The following INSL6 variants were observed in gnomAD, a reference collection of about 807,000 sequenced individuals.
INSL6 encodes insulin-like peptide INSL6.
A neutral mutation model predicts 9.4 loss-of-function variants in INSL6; 16 were observed. The ratio of observed to expected loss-of-function variants is 1.70; its 90% CI spans 1.15 to 2.59. The LOEUF is 2.59. Among genes scored for constraint, INSL6 ranks in the 30% most tolerant of loss-of-function variants. INSL6 has a pLI of 0.00. For missense variants in INSL6, 391 were observed against 257.3 expected, an observed-to-expected ratio of 1.52 and a Z score of -3.56; for synonymous variants, 154 against 96.9, an observed-to-expected ratio of 1.59 and a Z score of -3.46.
chr9:5,097,101 C>G, the INSL6 span: 3 of 152,088 alleles, frequency 2.0e-5, no homozygotes, highest in African/African-American at 7.2e-5. Flanking sequence ...TGGGTCTTAC[C>G]ATCTTCTCAC....
At chr9:5,059,440 C>T in the INSL6 span, among the ~76,000 whole-genome samples, 95,727 of 152,004 alleles carry the variant, frequency 0.63, 32,186 homozygotes, top group African/African-American at 0.88. Context: ...TTTGACTGTA[C>T]CTCAAATTTT....
chr9:5,097,447 A>G, the INSL6 span: 1 of 152,184 alleles, frequency 6.6e-6, no homozygotes, highest in East Asian at 1.9e-4. Flanking sequence ...CTCTGGAAAA[A>G]AGGAGCCATT....
the INSL6 span, among the ~76,000 whole-genome samples, chr9:5,004,032 T>A: frequency 1.1e-4 from 17 of 152,276 alleles, no homozygotes; most frequent in African/African-American, 3.8e-4. Flanking sequence ...ACATAAAAAT[T>A]GTATATATGG....
At chr9:5,163,805 C>A, downstream of INSL6, 2 of 727,286 alleles carry the variant, frequency 2.7e-6, no homozygotes, top group Non-Finnish European at 2.3e-6. Context: ...CTTGCAAGTA[C>A]ATTCAGACAT....
At chr9:5,073,622 A>T in the INSL6 span, 12 of 1,065,338 alleles carry the variant, frequency 1.1e-5, no homozygotes, top group South Asian at 6.5e-5. Context: ...CATCTTTATT[A>T]TGGCAGAGAG....
the INSL6 span, among the ~76,000 whole-genome samples, chr9:5,029,465 G>T: frequency 6.6e-6 from 1 of 152,158 alleles, no homozygotes; most frequent in Non-Finnish European, 1.5e-5. Flanking sequence ...AAGTGAGCAC[G>T]TGCTGTTGGA....
intron 1 of INSL6, among the ~76,000 whole-genome samples, chr9:5,180,595 C>T (rs541554144): frequency 3.3e-5 from 5 of 152,086 alleles, no homozygotes; most frequent in South Asian, 2.1e-4. Context: ...GACTGATATA[C>T]GCCCTGGTCT....
At chr9:5,114,088 G>A in the INSL6 span, 5 of 332,180 alleles carry the variant, frequency 1.5e-5, no homozygotes, top group African/African-American at 4.3e-5. Context: ...ACCCAGAAGC[G>A]CTGGCTGCCC....
chr9:5,137,398 C>G lies in INSL6; in HGVS notation c.377-3806G>C, dbSNP rs116072966. Reference sequence around the variant, plus strand: ...TTACAAGGCTATAGTAACAAAACAGCATGGTATTGGTATCAAAACAGATGT... The same window carrying G: ...TTACAAGGCTATAGTAACAAAACAGGATGGTATTGGTATCAAAACAGATGT... On this transcript the variant is annotated intron_variant, in intron 2 of 3. Transcript: ENST00000649639. Among the ~76,000 whole-genome samples the G allele has an allele frequency of 6.9e-3, 1,048 of 152,282 alleles. 23 individuals carry two copies. The highest frequency in any genetic ancestry group is 0.024 in the African/African-American group (1,001 of 41,558).
chr9:5,024,732 T>C, the INSL6 span, among the ~76,000 whole-genome samples: 1 of 152,240 alleles, frequency 6.6e-6, no homozygotes, highest in African/African-American at 2.4e-5. Context: ...TTTCAATGAA[T>C]ATCTTCTGTG....
intron 1 of INSL6, among the ~76,000 whole-genome samples, chr9:5,170,289 G>A (rs1825150111): frequency 6.6e-6 from 1 of 152,140 alleles, no homozygotes; most frequent in Non-Finnish European, 1.5e-5. Flanking sequence ...AAATCAAGAA[G>A]TTCTTTGAAA....
chr9:5,064,853 G>T, the INSL6 span: 4 of 1,478,266 alleles, frequency 2.7e-6, no homozygotes, highest in African/African-American at 1.4e-5. Flanking sequence ...TTTCTAAAAG[G>T]TGCTATTTCT....
chr9:5,035,680 A>G, the INSL6 span, among the ~76,000 whole-genome samples: 5 of 152,218 alleles, frequency 3.3e-5, no homozygotes, highest in Non-Finnish European at 5.9e-5. Context: ...AAATTCAACA[A>G]CCCTTCATGC....
the INSL6 span, among the ~76,000 whole-genome samples, chr9:5,035,537 G>A: frequency 4.6e-3 from 706 of 152,302 alleles, 6 homozygotes; most frequent in African/African-American, 0.016. Flanking sequence ...TATCCACCAT[G>A]ATCAAGTGGG....
chr9:5,108,573 A>G, the INSL6 span: 6 of 152,076 alleles, frequency 3.9e-5, no homozygotes, highest in African/African-American at 1.5e-4. Context: ...GTGACTCCCA[A>G]AAGCCCATGT....
At chr9:5,060,114 AGC>A in the INSL6 span, among the ~76,000 whole-genome samples, 1 of 152,238 alleles carries the variant, frequency 6.6e-6, no homozygotes, top group East Asian at 1.9e-4. Flanking sequence ...AGTGTGCAAC[AGC>A]ATTATGTCTT....
At chr9:5,080,428 A>T in the INSL6 span, 1 of 1,552,608 alleles carries the variant, frequency 6.4e-7, no homozygotes. Context: ...CTGAACTTTC[A>T]TATTTCTTTC....
At chr9:5,044,609 AT>A in the INSL6 span, 1 of 793,614 alleles carries the variant, frequency 1.3e-6, no homozygotes, top group East Asian at 2.6e-5. Flanking sequence ...AACTTTACAT[AT>A]GGGAAAATTG....
the INSL6 span, among the ~76,000 whole-genome samples, chr9:5,014,393 C>T: frequency 6.6e-6 from 1 of 152,266 alleles, no homozygotes; most frequent in East Asian, 1.9e-4. Flanking sequence ...ATTTATTCAA[C>T]AACTTTCATG....
Sources: gnomAD v4.1 joint callset for allele counts (sites outside exome capture counted in the v4.1 genomes callset) on GRCh38, gnomAD v4.1.1 for gene constraint, MANE v1.5 for transcripts, NCBI Gene and HGNC (gene_info 2026-07-23, HGNC 2026-07-21) for gene names.